Variants in SLCO5A1 observed in about 807,000 individuals in gnomAD.
SLCO5A1 encodes organic anion transporter polypeptide-related protein 4.
In SLCO5A1, 39 loss-of-function variants were observed where a neutral mutation model predicts 65.1. The ratio of observed to expected loss-of-function variants is 0.60; its 90% CI spans 0.46 to 0.78. The LOEUF (loss-of-function observed/expected upper bound fraction) is 0.78, where lower values mean the gene tolerates loss of function less well. Among genes scored for constraint, SLCO5A1 ranks in the 30% least tolerant of loss-of-function variants. The pLI is 0.00. For missense variants in SLCO5A1, 1,029 were observed against 1,069.4 expected (o/e 0.96, Z 0.53); for synonymous variants, 438 against 415.7 (o/e 1.05, Z -0.65).
chr8:69,713,622 C>T (rs1460569266), intron 5 of SLCO5A1: 3 of 152,120 alleles, frequency 2.0e-5, no homozygotes, highest in African/African-American at 7.2e-5. Context: ...GCTCTGAACC[C>T]AAAGTGTGTC....
At chr8:69,740,404 G>C (rs557985636) in intron 4 of SLCO5A1, among the ~76,000 whole-genome samples, 3 of 152,206 alleles carry the variant, frequency 2.0e-5, no homozygotes, top group Non-Finnish European at 2.9e-5. Flanking sequence ...AATATGGAAA[G>C]GGGGATCGTT....
At chr8:69,684,105 GA>G (rs1375877712) in intron 6 of SLCO5A1, among the ~76,000 whole-genome samples, 7 of 150,982 alleles carry the variant, frequency 4.6e-5, no homozygotes, top group African/African-American at 1.7e-4. Context: ...TCGCTCCATA[GA>G]AAAAAAGTAT....
intron 6 of SLCO5A1, among the ~76,000 whole-genome samples, chr8:69,685,632 A>G (rs1416915539): frequency 6.6e-6 from 1 of 152,164 alleles, no homozygotes; most frequent in East Asian, 1.9e-4. Flanking sequence ...CACACATTTC[A>G]TCTTACTATA....
At chr8:69,759,328 A>G (rs561023904) in intron 3 of SLCO5A1, among the ~76,000 whole-genome samples, 3 of 152,306 alleles carry the variant, frequency 2.0e-5, no homozygotes, top group African/African-American at 4.8e-5. Context: ...TATATTGACA[A>G]TCTTTATCAT....
At chr8:69,787,397 A>G (rs555130967) in intron 2 of SLCO5A1, among the ~76,000 whole-genome samples, 1 of 152,304 alleles carries the variant, frequency 6.6e-6, no homozygotes, top group South Asian at 2.1e-4. Context: ...CAGCATCCTC[A>G]TGTGCTTATG....
chr8:69,713,910 G>A (rs2959560), intron 5 of SLCO5A1: 44,901 of 152,064 alleles, frequency 0.3, 7,563 homozygotes, highest in African/African-American at 0.46. Flanking sequence ...TTACCCTTTT[G>A]AGCTTCCATT....
intron 6 of SLCO5A1, among the ~76,000 whole-genome samples, chr8:69,693,789 A>AT (rs1814375318): frequency 1.3e-5 from 2 of 152,228 alleles, no homozygotes; most frequent in Non-Finnish European, 2.9e-5. Context: ...TCACATCTTA[A>AT]TGTTGAAGAA....
intron 2 of SLCO5A1, among the ~76,000 whole-genome samples, chr8:69,787,819 C>A (rs1182195567): frequency 6.6e-6 from 1 of 152,162 alleles, no homozygotes; most frequent in East Asian, 1.9e-4. Context: ...AGATGCCAGG[C>A]ACTAGCTATA....
intron 2 of SLCO5A1, among the ~76,000 whole-genome samples, chr8:69,780,091 C>T (rs1468703574): frequency 6.6e-6 from 1 of 151,870 alleles, no homozygotes; most frequent in African/African-American, 2.4e-5. Flanking sequence ...CAATTTAAAA[C>T]AAAAATGAGA....
rs1294073098 is a variant in SLCO5A1 at position 69,670,220 on chromosome 8, A to C, written c.*2649T>G. 2 of 152,226 alleles carry C rather than the reference A, an allele frequency of 1.3e-5. No individual in the cohort carries two copies. The highest frequency in any genetic ancestry group is 4.8e-5 in the African/African-American group (2 of 41,450). 9.4% of individuals were successfully genotyped at this position (152,226 alleles called of 1,614,324 possible). ...TCCAAAACAAGTAATTTGAAGCCTA[A>C]GCTCATGGAGAGTCTTCATTAAAAC... On this transcript the variant is annotated 3_prime_UTR_variant, in exon 10 of 10. Coordinates refer to ENST00000260126, the MANE Select transcript of SLCO5A1 (RefSeq NM_030958.3).
At chr8:69,828,515 T>C (rs547411310) in intron 2 of SLCO5A1, among the ~76,000 whole-genome samples, 19 of 150,996 alleles carry the variant, frequency 1.3e-4, no homozygotes, top group African/African-American at 2.0e-4. Context: ...GGCAGGAGAA[T>C]GGCGTCAACC....
chr8:69,718,722 G>C (rs1269498491), intron 5 of SLCO5A1, among the ~76,000 whole-genome samples: 3 of 152,140 alleles, frequency 2.0e-5, no homozygotes, highest in Admixed American at 2.0e-4. Flanking sequence ...CATCCACTCT[G>C]TGCCAAGGCC....
intron 9 of SLCO5A1, among the ~76,000 whole-genome samples, chr8:69,674,030 T>C (rs1327080183): frequency 6.6e-6 from 1 of 152,226 alleles, no homozygotes. Flanking sequence ...ACCTAGTACA[T>C]AGACTCCTGT....
intron 2 of SLCO5A1, among the ~76,000 whole-genome samples, chr8:69,807,946 G>A (rs1357404822): frequency 2.6e-5 from 4 of 151,890 alleles, no homozygotes; most frequent in Non-Finnish European, 5.9e-5. Context: ...CTGGTGATCC[G>A]CCTGCCTCAG....
At chr8:69,678,276 G>GA (rs1055703127) in intron 8 of SLCO5A1, among the ~76,000 whole-genome samples, 2 of 152,032 alleles carry the variant, frequency 1.3e-5, no homozygotes, top group African/African-American at 4.8e-5. Context: ...TTGGGGGTCT[G>GA]AAAAAACTCC....
At chr8:69,728,700 A>T (rs1816201970) in intron 5 of SLCO5A1, among the ~76,000 whole-genome samples, 1 of 152,326 alleles carries the variant, frequency 6.6e-6, no homozygotes, top group East Asian at 1.9e-4. Context: ...TTATACATAC[A>T]TACAAACACA....
At chr8:69,698,193 T>C (rs1814580086) in intron 6 of SLCO5A1, among the ~76,000 whole-genome samples, 1 of 152,212 alleles carries the variant, frequency 6.6e-6, no homozygotes, top group African/African-American at 2.4e-5. Flanking sequence ...GTCTCATTCT[T>C]TTTTATGGCT....
At chr8:69,793,870 C>A (rs750145496) in intron 2 of SLCO5A1, among the ~76,000 whole-genome samples, 1 of 151,902 alleles carries the variant, frequency 6.6e-6, no homozygotes, top group South Asian at 2.1e-4. Flanking sequence ...AGAAGAATGG[C>A]TAAGATTTAT....
At chr8:69,762,118 TTTTCTTTCTTTCTTTCTTTCTTTCTTTC>T (rs552749800) in intron 2 of SLCO5A1, among the ~76,000 whole-genome samples, 13,962 of 104,626 alleles carry the variant, frequency 0.13, 1,303 homozygotes, top group Admixed American at 0.19. Flanking sequence ...TTTTGTTTTG[TTTTCTTTCTTTCTTTCTTTCTTTCTTTC>T]TTTCTTTCTT....
Sources: gnomAD v4.1 joint callset for allele counts (sites outside exome capture counted in the v4.1 genomes callset) on GRCh38, gnomAD v4.1.1 for gene constraint, MANE v1.5 for transcripts, NCBI Gene and HGNC (gene_info 2026-07-23, HGNC 2026-07-21) for gene names.